The following TNKS2 variants were observed in gnomAD, a reference collection of about 807,000 sequenced individuals.
TNKS2 encodes the protein poly [ADP-ribose] polymerase tankyrase-2.
Under a neutral mutation model 137.6 loss-of-function variants are expected in TNKS2, and 72 were observed. The observed-to-expected ratio is 0.52, with a 90% CI of 0.43 to 0.64. The LOEUF (loss-of-function observed/expected upper bound fraction) is 0.64. Among genes scored for constraint, TNKS2 ranks in the 30% least tolerant of loss-of-function variants. The probability of loss-of-function intolerance (pLI) is 0.00; values close to 1 mark genes in which losing one functional copy is unlikely to be tolerated. For missense variants in TNKS2, 1,049 were observed against 1,410.2 expected (o/e 0.74, Z 4.10); for synonymous variants, 516 against 512.1 (o/e 1.01, Z -0.10).
At position 91,830,934 on chromosome 10, in the gene TNKS2, T is replaced by C. The variant is rs201826505; in HGVS notation, c.1116T>C (p.Ala372=). 4.8e-5 allele frequency: 78 copies of C among 1,609,372 alleles called. No homozygotes were observed. The East Asian group carries it at 1.6e-3, about 33-fold the overall frequency. ...TTTAAATTATTTAGCATTGTGCTGC[T>C]GCATCTCCATATCCCAAAAGAAAGC... is the stretch of plus-strand genomic sequence containing the variant. The part of the protein sequence containing the change: ...QTHETALHCA[A]ASPYPKRKQI... The change falls in exon 10 of 27, where the codon GCT becomes GCC. Residue 372 remains alanine (A), a synonymous_variant. Coordinates refer to ENST00000371627, the MANE Select transcript of TNKS2 (RefSeq NM_025235.4).
At chr10:91,831,267 A>T in intron 11 of TNKS2, 86 bp downstream of exon 11, 1 of 1,199,224 alleles carries the variant, frequency 8.3e-7, no homozygotes, top group African/African-American at 1.5e-5. Flanking sequence ...TAAACTATTT[A>T]CTTTCTCATA....
intron 1 of TNKS2, among the ~76,000 whole-genome samples, chr10:91,811,643 TC>T (rs1367330209): frequency 6.6e-6 from 1 of 152,144 alleles, no homozygotes; most frequent in Non-Finnish European, 1.5e-5. Flanking sequence ...CTTTAGCTCT[TC>T]CATCAGCTGC....
intron 14 of TNKS2, 27 bp from the exon 15 acceptor site, chr10:91,841,256 C>T (rs1842203526): frequency 6.7e-7 from 1 of 1,483,698 alleles, no homozygotes; most frequent in Non-Finnish European, 9.0e-7. Context: ...TCTTCTGTGG[C>T]ATTATTGTTC....
In TNKS2 at chr10:91,863,660, A is replaced by G. The variant is rs1418614439; in HGVS notation, c.*661A>G. The G allele has an allele frequency of 6.6e-6, 1 of 152,160 alleles. No homozygotes were observed. Among genetic ancestry groups the G allele is most frequent in the Non-Finnish European group, 1.5e-5 (1 of 68,020 alleles). 9.4% of individuals were successfully genotyped at this position (152,160 alleles called of 1,614,324 possible). A position where few individuals can be genotyped will look rare whatever the true frequency, so the allele number is the denominator to read the frequency against. On this transcript the variant is annotated 3_prime_UTR_variant, in exon 27 of 27. Transcript: ENST00000371627. ...CATTAGAAATCTTTCTCATTTAAGAACTTATGAATATGCTGAAGATTTAAT... is the reference window on the plus strand; with the variant it reads ...CATTAGAAATCTTTCTCATTTAAGAGCTTATGAATATGCTGAAGATTTAAT...
intron 24 of TNKS2, 35 bp downstream of exon 24, chr10:91,857,565 T>C (rs1376507561): frequency 2.1e-6 from 3 of 1,400,942 alleles, no homozygotes; most frequent in Non-Finnish European, 3.0e-6. Flanking sequence ...ACCACTGTCT[T>C]CCACATTAGG....
At chr10:91,843,756 G>A (rs909759466) in intron 16 of TNKS2, among the ~76,000 whole-genome samples, 35 of 152,222 alleles carry the variant, frequency 2.3e-4, no homozygotes, top group Middle Eastern at 3.4e-3. Flanking sequence ...TTTAAACATG[G>A]TATAAAAAGC....
chr10:91,799,635 T>G (rs1366547347), intron 1 of TNKS2, among the ~76,000 whole-genome samples: 2 of 152,242 alleles, frequency 1.3e-5, no homozygotes, highest in Non-Finnish European at 2.9e-5. Flanking sequence ...AATTACATTA[T>G]TTTAATATTT....
intron 12 of TNKS2, among the ~76,000 whole-genome samples, chr10:91,835,329 G>A (rs574072153): frequency 7.4e-6 from 1 of 134,544 alleles, no homozygotes. Flanking sequence ...TCGCACTGTC[G>A]CCCGGGCTGG....
In TNKS2 at chr10:91,813,041, A is replaced by G. The variant is rs1261167648; in HGVS notation, c.258A>G (p.Ala86=). The G allele has an allele frequency of 6.2e-7, 1 of 1,614,200 alleles. No individual in the cohort carries two copies. Among genetic ancestry groups the G allele is most frequent in the Admixed American group, 1.7e-5 (1 of 60,032 alleles). The part of the protein sequence containing the change: ...YLLQNGANVQ[A]RDDGGLIPLH... ...TTCAGAATGGTGCAAATGTCCAAGC[A>G]CGTGATGATGGGGGCCTTATTCCTC... The change falls in exon 2 of 27, where the codon GCA becomes GCG. Residue 86 remains alanine, a synonymous_variant. Transcript: ENST00000371627.
At chr10:91,807,383 G>A (rs1366039880) in intron 1 of TNKS2, 5 of 1,614,122 alleles carry the variant, frequency 3.1e-6, no homozygotes, top group Non-Finnish European at 3.4e-6. Context: ...TAGGGTCAGC[G>A]AGGTAAAGCT....
chr10:91,819,420 T>G (rs1047128933), intron 4 of TNKS2, 62 bp from the exon 5 acceptor site: 1 of 1,462,642 alleles, frequency 6.8e-7, no homozygotes, highest in African/African-American at 1.4e-5. Flanking sequence ...ATGGTTACAG[T>G]ACTTATCTTG....
intron 6 of TNKS2, among the ~76,000 whole-genome samples, chr10:91,821,293 A>G (rs900498068): frequency 6.6e-6 from 1 of 151,938 alleles, no homozygotes; most frequent in African/African-American, 2.4e-5. Context: ...CGGCCTCCCA[A>G]AGTGCTCAGA....
chr10:91,841,303 A>G lies in TNKS2; in HGVS notation c.1694A>G (p.Asn565Ser). ...TTCAGAGGCCTTGTACCTTTGCACA[A>G]TGCATGTTCTTATGGACATTATGAA... is the stretch of plus-strand genomic sequence containing the variant. ...KDKGGLVPLH[N>S]ACSYGHYEVA... Residue 565 changes from asparagine to serine, a missense_variant, in exon 15 of 27, where the codon AAT becomes AGT. Around this residue, in one of 6 missense-constraint regions of TNKS2, gnomAD observed 328 missense variants for 436.0 expected, o/e 0.75. Transcript: ENST00000371627. The G allele has an allele frequency of 6.3e-7, 1 of 1,590,454 alleles. No homozygotes were observed. Among genetic ancestry groups the G allele is most frequent in the Non-Finnish European group, 8.5e-7 (1 of 1,169,796 alleles).
chr10:91,826,224 GTT>G (rs1845065037), intron 7 of TNKS2, among the ~76,000 whole-genome samples: 1 of 152,194 alleles, frequency 6.6e-6, no homozygotes, highest in South Asian at 2.1e-4. Context: ...CACGAATTAA[GTT>G]TGTGTGCATA....
rs774679102 is a variant in TNKS2 at position 91,812,996 on chromosome 10, A to G, written c.213A>G (p.Lys71=). 1 of 1,614,040 alleles carries G rather than the reference A, an allele frequency of 6.2e-7. No individual in the cohort carries two copies. The highest frequency in any genetic ancestry group is 8.5e-7 in the Non-Finnish European group (1 of 1,179,974). ...PLHFAAGFGR[K]DVVEYLLQNG... Reference sequence around the variant, plus strand: ...GTTTTCATCTAGGTTTTGGGCGGAAAGACGTAGTTGAATATTTGCTTCAGA... The same window carrying G: ...GTTTTCATCTAGGTTTTGGGCGGAAGGACGTAGTTGAATATTTGCTTCAGA... Residue 71 remains lysine (K), a synonymous_variant, in exon 2 of 27, where the codon AAA becomes AAG. Transcript: ENST00000371627.
chr10:91,852,589 T>A (rs1282714983), intron 21 of TNKS2, among the ~76,000 whole-genome samples: 2 of 152,196 alleles, frequency 1.3e-5, no homozygotes, highest in Admixed American at 6.5e-5. Flanking sequence ...GTGAATTGTT[T>A]TAAGTGTCAA....
chr10:91,835,276 C>CTTTTTTTTCTTT (rs369192935), intron 12 of TNKS2, among the ~76,000 whole-genome samples: 16,837 of 140,860 alleles, frequency 0.12, 838 homozygotes, highest in Middle Eastern at 0.16. Context: ...GCCCATTTCT[C>CTTTTTTTTCTTT]TTTTTTTTCT....
rs1269717390 is a variant in TNKS2 at position 91,846,419 on chromosome 10, CTG to C, written c.2358+481_2358+482del. On this transcript the variant is annotated intron_variant, in intron 18 of 26. Coordinates refer to ENST00000371627, the MANE Select transcript of TNKS2 (RefSeq NM_025235.4). ...GTTCTTGTTGCTCACCCTACCTTAACTGTTCATGAAACAAGTCTATTATCCAC... is the reference window on the plus strand; with the variant it reads ...GTTCTTGTTGCTCACCCTACCTTAACTTCATGAAACAAGTCTATTATCCAC... 2.6e-5 allele frequency among the ~76,000 whole-genome samples: 4 copies of C among 152,338 alleles called. No individual in the cohort carries two copies. In the East Asian group the frequency reaches 5.8e-4, roughly 22 times the overall value.
intron 1 of TNKS2, chr10:91,807,504 C>G (rs1449475982): frequency 6.8e-7 from 1 of 1,469,612 alleles, no homozygotes; most frequent in East Asian, 2.3e-5. Flanking sequence ...AAACTACCTA[C>G]GTCCGGGAGT....
Sources: gnomAD v4.1 joint callset for allele counts (sites outside exome capture counted in the v4.1 genomes callset) on GRCh38, gnomAD v4.1.1 for gene constraint, gnomAD v4.1.1 regional missense constraint, MANE v1.5 for transcripts, NCBI Gene and HGNC (gene_info 2026-07-23, HGNC 2026-07-21) for gene names.